The following ASAH2 variants were observed in gnomAD, a reference collection of about 807,000 sequenced individuals.
The protein encoded by ASAH2 is N-acylsphingosine amidohydrolase 2.
ASAH2 carries 58 observed loss-of-function variants against 82.9 expected under a neutral mutation model. The ratio of observed to expected loss-of-function variants is 0.70; its 90% CI spans 0.57 to 0.87. The LOEUF is 0.87. ASAH2 is among the 40% of genes least tolerant of loss of function. The pLI is 0.00. For synonymous variants in ASAH2, 276 were observed against 289.7 expected, an observed-to-expected ratio of 0.95 and a Z score of 0.48; for missense variants, 779 against 834.0, an observed-to-expected ratio of 0.93 and a Z score of 0.81.
rs1001856510 is a variant in ASAH2, at chr10:50,222,501, A to T, written c.894-3871T>A. Among the ~76,000 whole-genome samples, 31 of 152,256 alleles carry T rather than the reference A, an allele frequency of 2.0e-4. No homozygotes were observed. The East Asian group carries it at 6.0e-3, about 29-fold the overall frequency. Reference sequence around the variant, plus strand: ...CACTATGTTGCCCAGGCTGATCTCCAACTCCAGAGCTCAAGCGATCCTCCT... The same window carrying T: ...CACTATGTTGCCCAGGCTGATCTCCTACTCCAGAGCTCAAGCGATCCTCCT... On this transcript the variant is annotated intron_variant, in intron 7 of 20. Transcript: ENST00000682911.
intron 4 of ASAH2, among the ~76,000 whole-genome samples, chr10:50,242,570 A>C (rs1287025000): frequency 6.6e-6 from 1 of 152,156 alleles, no homozygotes; most frequent in East Asian, 1.9e-4. Flanking sequence ...AAATTGCCTT[A>C]GAAAGTTAGA....
intron 13 of ASAH2, among the ~76,000 whole-genome samples, chr10:50,205,625 T>C (rs1396829081): frequency 2.0e-5 from 3 of 152,038 alleles, no homozygotes; most frequent in Non-Finnish European, 4.4e-5. Context: ...AGGAACATGT[T>C]TTGTTTTAGA....
At chr10:50,203,597 C>T (rs1845218222) in intron 15 of ASAH2, 43 bp downstream of exon 15, 12 of 1,071,634 alleles carry the variant, frequency 1.1e-5, no homozygotes, top group Non-Finnish European at 1.5e-5. Context: ...TTCCTCTTCA[C>T]CAAACATGAA....
At chr10:50,222,107 T>A (rs1026547457) in intron 7 of ASAH2, among the ~76,000 whole-genome samples, 24 of 152,170 alleles carry the variant, frequency 1.6e-4, no homozygotes, top group Non-Finnish European at 4.4e-5. Context: ...GCTGTATCAT[T>A]CATTCAATCA....
chr10:50,217,296 T>C (rs1260201118), intron 8 of ASAH2, among the ~76,000 whole-genome samples: 3 of 151,658 alleles, frequency 2.0e-5, no homozygotes, highest in African/African-American at 7.3e-5. Flanking sequence ...GGCACGATCT[T>C]GGCTCACTAC....
At chr10:50,251,096 A>T (rs1846601698) in intron 1 of ASAH2, among the ~76,000 whole-genome samples, 1 of 152,256 alleles carries the variant, frequency 6.6e-6, no homozygotes, top group South Asian at 2.1e-4. Context: ...GGTAGAGCTA[A>T]GCCAATAATT....
chr10:50,209,554 G>A (rs1051464319), intron 12 of ASAH2, among the ~76,000 whole-genome samples: 28 of 151,730 alleles, frequency 1.8e-4, no homozygotes, highest in Non-Finnish European at 3.4e-4. Context: ...TCACAATGTT[G>A]ACCAGGGTGG....
At chr10:50,223,919 G>T (rs1228485840) in intron 7 of ASAH2, among the ~76,000 whole-genome samples, 1 of 152,122 alleles carries the variant, frequency 6.6e-6, no homozygotes, top group Non-Finnish European at 1.5e-5. Flanking sequence ...GAGATGCATG[G>T]AACAGATTCC....
In ASAH2 at chr10:50,235,961, T is replaced by C; in HGVS notation, c.614A>G (p.Tyr205Cys). 2 of 1,613,398 alleles carry C rather than the reference T, an allele frequency of 1.2e-6. No individual in the cohort carries two copies. The highest frequency in any genetic ancestry group is 2.2e-5 in the East Asian group (1 of 44,874). Residue 205 changes from tyrosine to cysteine, a missense_variant, in exon 5 of 21, where the codon TAT becomes TGT. Physicochemically the swap from Tyr to Cys is radical, Grantham distance 194 (BLOSUM62 -2). Around this residue, in one of 3 missense-constraint regions of ASAH2, gnomAD observed 759 missense variants for 755.2 expected, o/e 1.00. Coordinates refer to ENST00000682911, the MANE Select transcript of ASAH2 (RefSeq NM_019893.4). ...THSGPAGYFQ[Y>C]TVFVIASEGF... ...TTCACTGGCAATTACAAACACGGTA[T>C]ACTGGAAATATCCTGCAGGACCTGA...
At chr10:50,239,444 C>T (rs1026517789) in intron 4 of ASAH2, among the ~76,000 whole-genome samples, 3 of 152,126 alleles carry the variant, frequency 2.0e-5, no homozygotes, top group African/African-American at 7.2e-5. Context: ...TTAAACTCCT[C>T]CCCACTCTAC....
At chr10:50,236,520 G>A (rs1027891879) in intron 4 of ASAH2, among the ~76,000 whole-genome samples, 3 of 152,020 alleles carry the variant, frequency 2.0e-5, no homozygotes, top group Admixed American at 6.6e-5. Context: ...AGATTTGGGC[G>A]GAGACACAGA....
At chr10:50,232,566 T>C (rs1846047081) in intron 7 of ASAH2, among the ~76,000 whole-genome samples, 1 of 152,176 alleles carries the variant, frequency 6.6e-6, no homozygotes, top group Non-Finnish European at 1.5e-5. Context: ...AAATCACATA[T>C]GAATGCAAAT....
chr10:50,238,659 A>G (rs1280233652), intron 4 of ASAH2, among the ~76,000 whole-genome samples: 10 of 152,312 alleles, frequency 6.6e-5, no homozygotes, highest in South Asian at 4.1e-4. Flanking sequence ...TAAGACAGGA[A>G]GGTAGTAGAG....
At chr10:50,203,581 T>TCCTGTGGTGAAGAGGG in intron 15 of ASAH2, 59 bp downstream of exon 15, 1 of 1,345,054 alleles carries the variant, frequency 7.4e-7, no homozygotes, top group Non-Finnish European at 1.1e-6. Context: ...AGGGATAGGA[T>TCCTGTGGTGAAGAGGG]ATACTTTCCT....
Position 50,245,441 on chromosome 10 carries a change from A to T in ASAH2, c.141T>A (p.His47Gln), listed in dbSNP as rs1375178605. The T allele has an allele frequency of 6.2e-7, 1 of 1,612,954 alleles. No homozygotes were observed. The highest frequency in any genetic ancestry group is 8.5e-7 in the Non-Finnish European group (1 of 1,179,552). The change falls in exon 3 of 21, where the codon CAT (histidine) becomes CAA (glutamine). Residue 47 changes from histidine to glutamine, a missense_variant. Physicochemically the swap from His to Gln is conservative, Grantham distance 24. Around this residue, in one of 3 missense-constraint regions of ASAH2, gnomAD observed 759 missense variants for 755.2 expected, o/e 1.00. Coordinates refer to ENST00000682911, the MANE Select transcript of ASAH2 (RefSeq NM_019893.4). ...TIENHKDLGGHFFSTTQSPPA... is the reference protein window; with the variant it reads ...TIENHKDLGGQFFSTTQSPPA... ...GAGGGCTTTGGGTGGTTGAAAAAAA[A>T]TGGCCTCCTAAATCTAAAACAGAAT...
chr10:50,203,851 T>C (rs1403410035), intron 14 of ASAH2, among the ~76,000 whole-genome samples, 172 bp from the exon 15 acceptor site: 3 of 152,008 alleles, frequency 2.0e-5, no homozygotes, highest in African/African-American at 7.2e-5. Flanking sequence ...CTGCCTGTCC[T>C]AGCTTCAAAA....
In ASAH2 at chr10:50,236,120, G is replaced by A. The variant is rs1160145008; in HGVS notation, c.511-56C>T. ...GAGGGATAACATAGGAGCTCAACAT[G>A]AGAAAAGGCTTTGATGAGTTCAATC... is the stretch of plus-strand genomic sequence containing the variant. On this transcript the variant is annotated intron_variant, in intron 4 of 20. Coordinates refer to ENST00000682911, the MANE Select transcript of ASAH2 (RefSeq NM_019893.4). The A allele has an allele frequency of 4.6e-5, 69 of 1,504,398 alleles. 1 individual carries two copies. In the South Asian group the frequency reaches 6.8e-4, roughly 15 times the overall value. 93.2% of individuals were successfully genotyped at this position (1,504,398 alleles called of 1,614,324 possible).
At chr10:50,224,528 CAG>C (rs1845831260) in intron 7 of ASAH2, among the ~76,000 whole-genome samples, 1 of 152,102 alleles carries the variant, frequency 6.6e-6, no homozygotes, top group Non-Finnish European at 1.5e-5. Flanking sequence ...CCTCTTGTGA[CAG>C]AGACGTGAGT....
At chr10:50,220,169 C>A (rs1029386214) in intron 7 of ASAH2, among the ~76,000 whole-genome samples, 1 of 152,002 alleles carries the variant, frequency 6.6e-6, no homozygotes, top group Non-Finnish European at 1.5e-5. Flanking sequence ...CAGGGAAGAC[C>A]GAACACAGAT....
Sources: allele counts gnomAD v4.1 joint callset (sites outside exome capture counted in the v4.1 genomes callset), GRCh38; gene constraint gnomAD v4.1.1; regional missense constraint gnomAD v4.1.1; transcripts MANE v1.5; gene names NCBI Gene and HGNC (gene_info 2026-07-23, HGNC 2026-07-21).